The following APCDD1L variants were observed in gnomAD, a reference collection of about 807,000 sequenced individuals.
APCDD1L encodes protein APCDD1-like.
In APCDD1L, 21 loss-of-function variants were observed where a neutral mutation model predicts 24.2. The ratio of observed to expected loss-of-function variants is 0.87; its 90% CI spans 0.61 to 1.25. The LOEUF is 1.25. Among genes scored for constraint, APCDD1L ranks in the 50% most tolerant of loss-of-function variants. The pLI is 0.00. For synonymous variants in APCDD1L, 321 were observed against 323.6 expected, an observed-to-expected ratio of 0.99 and a Z score of 0.09; for missense variants, 704 against 711.7, an observed-to-expected ratio of 0.99 and a Z score of 0.12.
At chr20:58,492,951 G>C (rs1017970044) in intron 1 of APCDD1L, among the ~76,000 whole-genome samples, 2 of 145,602 alleles carry the variant, frequency 1.4e-5, no homozygotes, top group African/African-American at 5.2e-5. Context: ...CACAATGCAA[G>C]CATGCATACA....
At chr20:58,466,997 G>C (rs1989717620) in intron 3 of APCDD1L, 109 bp downstream of exon 3, 1 of 1,371,886 alleles carries the variant, frequency 7.3e-7, no homozygotes, top group South Asian at 1.5e-5. Context: ...CAGCCGGGCA[G>C]CCAGAGCCCT....
At chr20:58,486,863 T>TTTTTTTTTTG in intron 1 of APCDD1L, among the ~76,000 whole-genome samples, 1 of 130,042 alleles carries the variant, frequency 7.7e-6, no homozygotes. Context: ...GGTTTTTTTT[T>TTTTTTTTTTG]TTTTTTTTTT....
chr20:58,467,577 G>A lies in APCDD1L; in HGVS notation c.270C>T (p.Phe90=). Residue 90 remains phenylalanine (F), a synonymous_variant, in exon 3 of 4, where the codon TTC becomes TTT. Transcript: ENST00000371149. This position sits in a 1 kb window ranked among gnomAD's most constrained non-coding sequence, Gnocchi z 5.9. ...CCCCGCAGAAGGGGTCCTCGTAGTA[G>A]AACTGGTGGGCTCGAAAGAGCCGGC... ...YPSRLFRAHQ[F]YYEDPFCGEP... is the part of the protein sequence containing the mutation. 2 of 1,570,894 alleles carry A rather than the reference G, an allele frequency of 1.3e-6. No homozygotes were observed. The highest frequency in any genetic ancestry group is 1.7e-6 in the Non-Finnish European group (2 of 1,156,566).
intron 3 of APCDD1L, among the ~76,000 whole-genome samples, chr20:58,464,566 G>A (rs1316958965): frequency 6.6e-6 from 1 of 152,232 alleles, no homozygotes; most frequent in Non-Finnish European, 1.5e-5. Flanking sequence ...GTTACATAAA[G>A]TTATTTCTCA....
intron 3 of APCDD1L, among the ~76,000 whole-genome samples, chr20:58,463,076 A>G (rs1053082858): frequency 1.7e-4 from 24 of 137,570 alleles, no homozygotes; most frequent in African/African-American, 5.7e-4. Flanking sequence ...AGGGAGGCAG[A>G]GGCTGCAGTG....
At chr20:58,504,249 TC>T (rs1432151402) in intron 1 of APCDD1L, among the ~76,000 whole-genome samples, 2 of 152,164 alleles carry the variant, frequency 1.3e-5, no homozygotes, top group Non-Finnish European at 2.9e-5. Context: ...TGGTAAAGGA[TC>T]CAATCTTCCC....
In APCDD1L at chr20:58,470,714, C is replaced by T. The variant is rs750968695; in HGVS notation, c.83G>A (p.Gly28Asp). The T allele has an allele frequency of 7.2e-5, 111 of 1,540,870 alleles. No individual in the cohort carries two copies. The highest frequency in any genetic ancestry group is 8.9e-5 in the Non-Finnish European group (102 of 1,146,104). Residue 28 changes from glycine (G) to aspartate (D), a missense_variant, in exon 2 of 4, where the codon GGC (glycine) becomes GAC (aspartate). Gly to Asp is a moderately conservative substitution (Grantham distance 94). Coordinates refer to ENST00000371149, the MANE Select transcript of APCDD1L (RefSeq NM_153360.3). ...HTAPAAGEAG[G>D]SCLRWEPHCQ... Reference sequence around the variant, plus strand: ...GTGGGGTTCCCAGCGCAGGCAGCTGCCCCCGGCCTCCCCAGCCGCCGGTGC... The same window carrying T: ...GTGGGGTTCCCAGCGCAGGCAGCTGTCCCCGGCCTCCCCAGCCGCCGGTGC...
rs1990553669 is a variant in APCDD1L at position 58,508,057 on chromosome 20, A to G, written c.49+6602T>C. ...GGTGGTGCTGGTACAACTCATTTGG[A>G]AAAAAAGCTGGTGGGAGAATTTAGC... is the stretch of plus-strand genomic sequence containing the variant. On this transcript the variant is annotated intron_variant, in intron 1 of 3. Transcript: ENST00000371149. The surrounding 1 kb of genome is among the most constrained non-coding windows in gnomAD (Gnocchi z 4.0). 1.3e-5 allele frequency among the ~76,000 whole-genome samples: 2 copies of G among 152,336 alleles called. No individual in the cohort carries two copies. Among genetic ancestry groups the G allele is most frequent in the South Asian group, 2.1e-4 (1 of 4,824 alleles).
intron 1 of APCDD1L, among the ~76,000 whole-genome samples, chr20:58,483,317 T>A (rs551411801): frequency 4.9e-4 from 75 of 152,174 alleles, no homozygotes; most frequent in African/African-American, 1.8e-3. Context: ...GGCTGGAATG[T>A]TCTCCAGGAG....
chr20:58,485,423 G>A (rs1424887069), intron 1 of APCDD1L, among the ~76,000 whole-genome samples: 2 of 152,188 alleles, frequency 1.3e-5, no homozygotes, highest in Non-Finnish European at 2.9e-5. Context: ...ATTTTTACAA[G>A]TCTAACATAT....
chr20:58,512,914 G>A (rs1430825941), intron 1 of APCDD1L, among the ~76,000 whole-genome samples: 2 of 151,856 alleles, frequency 1.3e-5, no homozygotes, highest in Non-Finnish European at 2.9e-5. Flanking sequence ...TCAGGCCCCC[G>A]GGCACTCTTG....
At position 58,461,238 on chromosome 20, in the gene APCDD1L, A is replaced by G; in HGVS notation, c.1058T>C (p.Phe353Ser). ...GGTCACATGGGCCCGTGTGACCTCA[A>G]ACACCAGCTCGGTGCCGCCGCGGAC... ...TRVRGGTELVFEVTRAHVTPM... is the reference protein window; with the variant it reads ...TRVRGGTELVSEVTRAHVTPM... The change falls in exon 4 of 4, where the codon TTT (phenylalanine) becomes TCT (serine). Residue 353 changes from phenylalanine (F) to serine (S), a missense_variant. Transcript: ENST00000371149. The surrounding 1 kb of genome is among the most constrained non-coding windows in gnomAD (Gnocchi z 6.0). 6.2e-7 allele frequency: 1 copy of G among 1,613,566 alleles called. No homozygotes were observed. Among genetic ancestry groups the G allele is most frequent in the Non-Finnish European group, 8.5e-7 (1 of 1,179,860 alleles).
chr20:58,509,617 C>T (rs1468280852), intron 1 of APCDD1L, among the ~76,000 whole-genome samples: 2 of 152,166 alleles, frequency 1.3e-5, no homozygotes, highest in Non-Finnish European at 2.9e-5. Context: ...AAGTATAGCC[C>T]ATCACTGTCA....
rs376827800 is a variant in APCDD1L, at chr20:58,481,636, A to T, written c.50-10889T>A. 1.3e-3 allele frequency among the ~76,000 whole-genome samples: 197 copies of T among 152,244 alleles called. 4 individuals carry two copies. In the South Asian group the frequency reaches 0.039, roughly 30 times the overall value. ...GGAACCCCAGCGTCGGGGGAGGCAC[A>T]CCACTCACCGAGCTGTTCTTGGGAG... is the stretch of plus-strand genomic sequence containing the variant. On this transcript the variant is annotated intron_variant, in intron 1 of 3. Transcript: ENST00000371149.
chr20:58,484,952 G>T (rs1177961332), intron 1 of APCDD1L, among the ~76,000 whole-genome samples: 1 of 148,810 alleles, frequency 6.7e-6, no homozygotes, highest in Non-Finnish European at 1.5e-5. Flanking sequence ...TGCTATTAAA[G>T]TTTTTTTTTT....
At chr20:58,484,593 T>A (rs1990085770) in intron 1 of APCDD1L, among the ~76,000 whole-genome samples, 1 of 152,218 alleles carries the variant, frequency 6.6e-6, no homozygotes, top group Non-Finnish European at 1.5e-5. Flanking sequence ...GATTTAGCGA[T>A]CTTTGTGGAA....
chr20:58,499,889 T>C (rs1191628466), intron 1 of APCDD1L, among the ~76,000 whole-genome samples: 1 of 152,212 alleles, frequency 6.6e-6, no homozygotes, highest in Non-Finnish European at 1.5e-5. Context: ...TGCTCCACTG[T>C]CTCTCACCGT....
At position 58,461,126 on chromosome 20, in the gene APCDD1L, C is replaced by T. The variant is rs781362651; in HGVS notation, c.1170G>A (p.Glu390=). The change falls in exon 4 of 4, where the codon GAG becomes GAA. Residue 390 remains glutamate, a synonymous_variant. Coordinates refer to ENST00000371149, the MANE Select transcript of APCDD1L (RefSeq NM_153360.3). This position sits in a 1 kb window ranked among gnomAD's most constrained non-coding sequence, Gnocchi z 6.0. The stretch of plus-strand genomic sequence containing the variant: ...AGCCGTTGGTGGCTGTGACATCCCG[C>T]TCAGTGCCCATGGACCAGGCCCCCG... ...GGAGAWSMGT[E]RDVTATNGCL... 8.1e-6 allele frequency: 13 copies of T among 1,613,666 alleles called. No individual in the cohort carries two copies. Among genetic ancestry groups the T allele is most frequent in the African/African-American group, 1.3e-5 (1 of 74,892 alleles).
At chr20:58,474,575 G>A (rs192331035) in intron 1 of APCDD1L, among the ~76,000 whole-genome samples, 164 of 152,140 alleles carry the variant, frequency 1.1e-3, no homozygotes, top group South Asian at 1.2e-3. Flanking sequence ...ATGGTGGCGC[G>A]CACCTGTAAT....
Sources: allele counts gnomAD v4.1 joint callset (sites outside exome capture counted in the v4.1 genomes callset), GRCh38; gene constraint gnomAD v4.1.1; non-coding constraint Gnocchi (gnomAD v3.1); transcripts MANE v1.5; gene names NCBI Gene and HGNC (gene_info 2026-07-23, HGNC 2026-07-21).